SLC26A5: variants seen among roughly 807,000 people sequenced by gnomAD.
SLC26A5 encodes the protein prestin.
Under a neutral mutation model 81.0 loss-of-function variants are expected in SLC26A5, and 51 were observed. That is an observed-to-expected ratio of 0.63 (90% CI 0.50 to 0.80). SLC26A5 has a LOEUF of 0.80. Among genes scored for constraint, SLC26A5 ranks in the 30% least tolerant of loss-of-function variants. The pLI is 0.00. For missense variants in SLC26A5, 771 were observed against 905.8 expected (o/e 0.85, Z 1.91); for synonymous variants, 325 against 332.8 (o/e 0.98, Z 0.25).
intron 14 of SLC26A5, among the ~76,000 whole-genome samples, chr7:103,381,523 T>C (rs1046349320): frequency 6.8e-6 from 1 of 147,268 alleles, no homozygotes; most frequent in Non-Finnish European, 1.5e-5. Context: ...CACAATACCA[T>C]ACACAATACA....
Position 103,420,413 on chromosome 7 carries a change from A to G in SLC26A5, c.292+325T>C, listed in dbSNP as rs117635205. Reference sequence around the variant, plus strand: ...GGGGCTCAAATGATCCTCCTATGTCAGCCTCTTGAGTAGCTGAGACTACAG... The same window carrying G: ...GGGGCTCAAATGATCCTCCTATGTCGGCCTCTTGAGTAGCTGAGACTACAG... On this transcript the variant is annotated intron_variant, in intron 4 of 19. Transcript: ENST00000306312. Among the ~76,000 whole-genome samples the G allele has an allele frequency of 4.5e-3, 668 of 149,078 alleles. 3 individuals carry two copies. The highest frequency in any genetic ancestry group is 7.6e-3 in the Non-Finnish European group (512 of 67,772).
intron 19 of SLC26A5, chr7:103,354,826 T>G: frequency 1.6e-6 from 2 of 1,254,940 alleles, no homozygotes; most frequent in Non-Finnish European, 1.2e-6. Context: ...AATAAATGGT[T>G]GATATCCTGA....
At position 103,421,380 on chromosome 7, in the gene SLC26A5, C is replaced by T. The variant is rs766985801; in HGVS notation, c.135G>A (p.Lys45=). 12 of 1,614,066 alleles carry T rather than the reference C, an allele frequency of 7.4e-6. No individual in the cohort carries two copies. The highest frequency in any genetic ancestry group is 1.0e-5 in the Non-Finnish European group (12 of 1,179,982). ...KDKVPDSIAD[K]LKQAFTCTPK... ...CAACGTACGTGAATGCCTGTTTCAG[C>T]TTATCCGCAATGGAATCAGGAACCT... The change falls in exon 3 of 20, where the codon AAG becomes AAA. Residue 45 remains lysine, a synonymous_variant. Transcript: ENST00000306312.
chr7:103,404,905 A>G (rs1316129607), intron 8 of SLC26A5, among the ~76,000 whole-genome samples: 1 of 150,974 alleles, frequency 6.6e-6, no homozygotes, highest in Non-Finnish European at 1.5e-5. Context: ...TTTTCCTCTA[A>G]TCTTGTCTTT....
intron 19 of SLC26A5, chr7:103,355,852 T>TA (rs1820002985): frequency 1.4e-5 from 17 of 1,239,482 alleles, no homozygotes; most frequent in African/African-American, 1.3e-4. Context: ...CACTTAATGT[T>TA]AGAGTCTCAG....
chr7:103,395,313 C>A lies in SLC26A5; in HGVS notation c.972-2247G>T, dbSNP rs566648553. On this transcript the variant is annotated intron_variant, in intron 9 of 19. Coordinates refer to ENST00000306312, the MANE Select transcript of SLC26A5 (RefSeq NM_198999.3). ...ATGTTCCAGAAAGATAAGGTCTCCT[C>A]TGGATAGCCTGTTTCCAGAAACGTA... 9.8e-5 allele frequency among the ~76,000 whole-genome samples: 14 copies of A among 142,284 alleles called. No homozygotes were observed. In the South Asian group the frequency reaches 3.1e-3, roughly 32 times the overall value. The allele number at this position is 142,284 out of a possible 152,430, so 93.3% of individuals were successfully genotyped here.
At chr7:103,386,802 G>A (rs536129203) in intron 14 of SLC26A5, among the ~76,000 whole-genome samples, 9 of 150,774 alleles carry the variant, frequency 6.0e-5, no homozygotes, top group South Asian at 4.2e-4. Flanking sequence ...TCACTCTGTC[G>A]CCCAGGCTGG....
At chr7:103,402,679 G>T (rs897771867) in intron 8 of SLC26A5, among the ~76,000 whole-genome samples, 1 of 152,070 alleles carries the variant, frequency 6.6e-6, no homozygotes, top group Non-Finnish European at 1.5e-5. Context: ...GATTACAGGC[G>T]TGAGCCACCG....
At chr7:103,439,054 T>C (rs1279694776) in intron 2 of SLC26A5, among the ~76,000 whole-genome samples, 1 of 152,216 alleles carries the variant, frequency 6.6e-6, no homozygotes, top group African/African-American at 2.4e-5. Context: ...GAATACATTT[T>C]GCATAAGTTT....
chr7:103,441,790 T>C (rs931628473), intron 2 of SLC26A5, among the ~76,000 whole-genome samples: 8 of 152,196 alleles, frequency 5.3e-5, no homozygotes, highest in African/African-American at 1.9e-4. Flanking sequence ...AACTACTGGG[T>C]GCTGCAAAGT....
chr7:103,378,586 T>C, intron 16 of SLC26A5, 33 bp from the exon 17 acceptor site: 7 of 1,595,682 alleles, frequency 4.4e-6, no homozygotes, highest in Non-Finnish European at 6.0e-6. Flanking sequence ...CAAAATCACT[T>C]CATGGCTCTC....
At chr7:103,381,879 C>CATACAT (rs1320874343) in intron 14 of SLC26A5, among the ~76,000 whole-genome samples, 1 of 151,204 alleles carries the variant, frequency 6.6e-6, no homozygotes, top group South Asian at 2.1e-4. Context: ...ACATAATACA[C>CATACAT]ATACATACAC....
At position 103,397,952 on chromosome 7, in the gene SLC26A5, G is replaced by T; in HGVS notation, c.951C>A (p.Val317=). 1.2e-6 allele frequency: 2 copies of T among 1,613,842 alleles called. No individual in the cohort carries two copies. Among genetic ancestry groups the T allele is most frequent in the Non-Finnish European group, 1.7e-6 (2 of 1,179,838 alleles). Residue 317 remains valine (V), a synonymous_variant, in exon 9 of 20, where the codon GTC becomes GTA. Transcript: ENST00000306312. Reference sequence around the variant, plus strand: ...CCTACCCTAGAGGAAGTGTTCCAACGACATCCACATTGTATGATTCTTTCA... The same window carrying T: ...CCTACCCTAGAGGAAGTGTTCCAACTACATCCACATTGTATGATTCTTTCA... ...FNLKESYNVD[V]VGTLPLGLLP...
At chr7:103,423,504 T>C (rs1825507477) in intron 2 of SLC26A5, among the ~76,000 whole-genome samples, 1 of 152,190 alleles carries the variant, frequency 6.6e-6, no homozygotes, top group South Asian at 2.1e-4. Flanking sequence ...TACAAGAGTA[T>C]TACGAGGTGT....
intron 19 of SLC26A5, chr7:103,353,949 G>A (rs752046432): frequency 9.2e-5 from 147 of 1,599,472 alleles, no homozygotes; most frequent in Non-Finnish European, 1.2e-4. Flanking sequence ...TTGCCTTGTT[G>A]AAAACTTATG....
In SLC26A5 at chr7:103,410,549, A is replaced by G. The variant is rs767748322; in HGVS notation, c.571T>C (p.Phe191Leu). Reference sequence around the variant, plus strand: ...CCAAACCTACAGACACCTAGGCAAAACTATTTTTTTTTAATGACAAAGAAA... The same window carrying G: ...CCAAACCTACAGACACCTAGGCAAAGCTATTTTTTTTTAATGACAAAGAAA... ...SVTLLSGIIQ[F>L]CLGVCRFGFV... Residue 191 changes from phenylalanine to leucine, a missense_variant and splice_region_variant, in exon 7 of 20, where the codon TTT becomes CTT. By Grantham distance (22) the Phe-to-Leu change is conservative. Coordinates refer to ENST00000306312, the MANE Select transcript of SLC26A5 (RefSeq NM_198999.3). 3 of 1,610,076 alleles carry G rather than the reference A, an allele frequency of 1.9e-6. No homozygotes were observed. The highest frequency in any genetic ancestry group is 2.2e-5 in the South Asian group (2 of 90,648).
chr7:103,389,167 AGTTAAACACACAAGTGT>A lies in SLC26A5; in HGVS notation c.1408-70_1408-54del, dbSNP rs1822441177. ...AGAACCATGTTAAACATCCCACAAGAGTTAAACACACAAGTGTGCACACACACACATGCTACTTTTAC... is the reference window on the plus strand; with the variant it reads ...AGAACCATGTTAAACATCCCACAAGAGCACACACACACATGCTACTTTTAC... On this transcript the variant is annotated intron_variant, in intron 13 of 19. Transcript: ENST00000306312. 5 of 1,381,302 alleles carry A rather than the reference AGTTAAACACACAAGTGT, an allele frequency of 3.6e-6. No individual in the cohort carries two copies. In the Admixed American group the frequency reaches 8.6e-5, roughly 24 times the overall value. 85.6% of individuals were successfully genotyped at this position (1,381,302 alleles called of 1,614,324 possible).
chr7:103,428,254 T>G (rs1021250804), intron 2 of SLC26A5, among the ~76,000 whole-genome samples: 1 of 152,212 alleles, frequency 6.6e-6, no homozygotes, highest in Non-Finnish European at 1.5e-5. Context: ...ATTGTGAGCC[T>G]CATGAAAGGA....
At chr7:103,394,302 C>A (rs181948464) in intron 9 of SLC26A5, among the ~76,000 whole-genome samples, 3 of 152,104 alleles carry the variant, frequency 2.0e-5, no homozygotes, top group Admixed American at 6.5e-5. Context: ...TACTATTATC[C>A]CAATTTGTAG....
Sources: allele counts gnomAD v4.1 joint callset (sites outside exome capture counted in the v4.1 genomes callset), GRCh38; gene constraint gnomAD v4.1.1; transcripts MANE v1.5; gene names NCBI Gene and HGNC (gene_info 2026-07-23, HGNC 2026-07-21).